FOXN3: variants seen among roughly 807,000 people sequenced by gnomAD.
FOXN3 encodes the protein forkhead box N3.
In FOXN3, 7 loss-of-function variants were observed where a neutral mutation model predicts 38.4. The observed-to-expected ratio is 0.18, with a 90% CI of 0.10 to 0.34. FOXN3 has a LOEUF of 0.34. Among genes scored for constraint, FOXN3 ranks in the 10% least tolerant of loss-of-function variants. FOXN3 has a pLI of 1.00. For missense variants in FOXN3, 456 were observed against 613.4 expected (o/e 0.74, Z 2.71); for synonymous variants, 230 against 242.2 (o/e 0.95, Z 0.47).
intron 4 of FOXN3, among the ~76,000 whole-genome samples, chr14:89,271,035 G>A (rs960493043): frequency 1.3e-5 from 2 of 151,972 alleles, no homozygotes; most frequent in African/African-American, 4.8e-5. Flanking sequence ...TCATGCATGT[G>A]CACATACCTG....
intron 4 of FOXN3, among the ~76,000 whole-genome samples, chr14:89,258,725 G>C (rs377587233): frequency 6.6e-6 from 1 of 152,228 alleles, no homozygotes; most frequent in South Asian, 2.1e-4. Flanking sequence ...TTCTTCACAT[G>C]ACAGTATACC....
In FOXN3 at chr14:89,613,416, C is replaced by A. The variant is rs78294009; in HGVS notation, c.-15+5612G>T. Among the ~76,000 whole-genome samples, 1,016 of 152,244 alleles carry A rather than the reference C, an allele frequency of 6.7e-3. 6 individuals carry two copies. The highest frequency in any genetic ancestry group is 0.024 in the African/African-American group (986 of 41,544). Reference sequence around the variant, plus strand: ...CCATTATCATGAGTACACCCTGGGACGGTTCTGTTGGTTACACACTCATTC... The same window carrying A: ...CCATTATCATGAGTACACCCTGGGAAGGTTCTGTTGGTTACACACTCATTC... On this transcript the variant is annotated intron_variant, in intron 1 of 6. Coordinates refer to the FOXN3 transcript ENST00000345097.
At chr14:89,458,226 A>G (rs1469970091) in intron 1 of FOXN3, among the ~76,000 whole-genome samples, 1 of 152,032 alleles carries the variant, frequency 6.6e-6, no homozygotes, top group Non-Finnish European at 1.5e-5. Flanking sequence ...CCCCATAAGA[A>G]ATATCTGTAG....
intron 4 of FOXN3, among the ~76,000 whole-genome samples, chr14:89,248,187 C>A (rs1436986431): frequency 6.6e-6 from 1 of 152,224 alleles, no homozygotes; most frequent in African/African-American, 2.4e-5. Context: ...TTTCTGTCTT[C>A]CCACTACACT....
intron 4 of FOXN3, 145 bp from the exon 5 acceptor site, chr14:89,180,951 C>T: frequency 2.0e-6 from 1 of 504,064 alleles, no homozygotes. Context: ...CACACGTGCA[C>T]ATACACACAC....
At chr14:89,225,521 G>A (rs957701385) in intron 4 of FOXN3, among the ~76,000 whole-genome samples, 6 of 151,394 alleles carry the variant, frequency 4.0e-5, no homozygotes, top group African/African-American at 1.5e-4. Flanking sequence ...GGAGAATGGC[G>A]TGAACCCAGG....
upstream of FOXN3, among the ~76,000 whole-genome samples, chr14:89,421,425 G>T (rs1228142145): frequency 6.6e-6 from 1 of 151,928 alleles, no homozygotes; most frequent in Non-Finnish European, 1.5e-5. Flanking sequence ...TGGGACTACA[G>T]GCATGAGCCA....
At chr14:89,602,658 G>A (rs1051217120) in intron 1 of FOXN3, among the ~76,000 whole-genome samples, 43 of 151,752 alleles carry the variant, frequency 2.8e-4, no homozygotes, top group African/African-American at 1.0e-3. Flanking sequence ...CACCACACCT[G>A]GCTAATTTTT....
intron 3 of FOXN3, among the ~76,000 whole-genome samples, chr14:89,322,144 A>G (rs1214499797): frequency 2.6e-5 from 4 of 152,204 alleles, no homozygotes; most frequent in Non-Finnish European, 5.9e-5. Context: ...GCAGCATGCC[A>G]GGGTTCGGGA....
intron 3 of FOXN3, among the ~76,000 whole-genome samples, chr14:89,310,066 C>T (rs1227609288): frequency 6.6e-6 from 1 of 152,220 alleles, no homozygotes; most frequent in Non-Finnish European, 1.5e-5. Flanking sequence ...CCCATTCCCT[C>T]CAGCAACGGC....
intron 1 of FOXN3, among the ~76,000 whole-genome samples, chr14:89,470,437 T>C (rs1439800068): frequency 6.6e-6 from 1 of 152,188 alleles, no homozygotes; most frequent in Admixed American, 6.5e-5. Flanking sequence ...GGCAAATTAT[T>C]TAACCTCTTT....
At chr14:89,472,486 C>A (rs1350159586) in intron 1 of FOXN3, among the ~76,000 whole-genome samples, 4 of 151,958 alleles carry the variant, frequency 2.6e-5, no homozygotes, top group Non-Finnish European at 4.4e-5. Flanking sequence ...TTTGGGAGGC[C>A]AAGGCGGGCA....
chr14:89,613,074 G>A (rs1391159721), intron 1 of FOXN3, among the ~76,000 whole-genome samples: 2 of 125,960 alleles, frequency 1.6e-5, no homozygotes, highest in Admixed American at 9.8e-5. Flanking sequence ...CCGAGATCGC[G>A]CCATTGCAGT....
At chr14:89,439,047 C>T (rs548456407) in intron 1 of FOXN3, among the ~76,000 whole-genome samples, 2 of 152,282 alleles carry the variant, frequency 1.3e-5, no homozygotes, top group East Asian at 3.9e-4. Context: ...CGTGAGCCAC[C>T]ACGCCTGGCC....
intron 3 of FOXN3, among the ~76,000 whole-genome samples, chr14:89,335,723 T>TA (rs1190189583): frequency 6.6e-6 from 1 of 152,212 alleles, no homozygotes; most frequent in Non-Finnish European, 1.5e-5. Context: ...TGTACAATAT[T>TA]AGAGATTCAG....
chr14:89,393,182 C>A (rs144111422), intron 2 of FOXN3, among the ~76,000 whole-genome samples: 19 of 152,250 alleles, frequency 1.2e-4, no homozygotes, highest in Middle Eastern at 3.4e-3. Context: ...CTCAGGCAAT[C>A]CACCCACCTC....
intron 1 of FOXN3, among the ~76,000 whole-genome samples, chr14:89,458,946 C>A (rs1402816293): frequency 6.6e-6 from 1 of 152,194 alleles, no homozygotes; most frequent in African/African-American, 2.4e-5. Flanking sequence ...GAAACAAATT[C>A]ATCTGCAAGC....
chr14:89,168,092 T>TA (rs143237438), intron 5 of FOXN3, among the ~76,000 whole-genome samples: 8,668 of 151,890 alleles, frequency 0.057, 344 homozygotes, highest in Admixed American at 0.089. Context: ...GGGTTCATAA[T>TA]AAAAAAACAA....
chr14:89,380,777 TC>T (rs1238660981), intron 2 of FOXN3, among the ~76,000 whole-genome samples: 2 of 152,120 alleles, frequency 1.3e-5, no homozygotes, highest in South Asian at 4.1e-4. Context: ...TGAAGATGCT[TC>T]CCCTGTGGAC....
Sources: gnomAD v4.1 joint callset for allele counts (sites outside exome capture counted in the v4.1 genomes callset) on GRCh38, gnomAD v4.1.1 for gene constraint, MANE v1.5 for transcripts, NCBI Gene and HGNC (gene_info 2026-07-23, HGNC 2026-07-21) for gene names.